BRINP2: variants seen among roughly 807,000 people sequenced by gnomAD.
The protein encoded by BRINP2 is BMP/retinoic acid-inducible neural-specific protein 2.
In BRINP2, 21 loss-of-function variants were observed where a neutral mutation model predicts 69.2. The ratio of observed to expected loss-of-function variants is 0.30; its 90% confidence interval spans 0.22 to 0.44. The LOEUF is 0.44. Among genes scored for constraint, BRINP2 ranks in the 20% least tolerant of loss-of-function variants. The pLI is 1.00. For missense variants in BRINP2, 877 were observed against 986.0 expected (o/e 0.89, Z 1.48); for synonymous variants, 380 against 394.1 (o/e 0.96, Z 0.42).
At chr1:177,275,385 A>C (rs775253815) in intron 5 of BRINP2, among the ~76,000 whole-genome samples, 2 of 152,114 alleles carry the variant, frequency 1.3e-5, no homozygotes, top group Non-Finnish European at 2.9e-5. Context: ...CAGGGCATTG[A>C]CCACCATCCC....
intron 2 of BRINP2, among the ~76,000 whole-genome samples, chr1:177,248,417 G>A (rs1440452174): frequency 2.0e-5 from 3 of 151,774 alleles, no homozygotes; most frequent in East Asian, 3.9e-4. Flanking sequence ...CTAGATTTCA[G>A]CTTCACTGAG....
intron 2 of BRINP2, among the ~76,000 whole-genome samples, chr1:177,231,692 T>C (rs114208433): frequency 0.017 from 2,559 of 152,340 alleles, 74 homozygotes; most frequent in African/African-American, 0.059. Context: ...AGTCTGGTCC[T>C]GGAAGAGACT....
intron 2 of BRINP2, among the ~76,000 whole-genome samples, chr1:177,237,825 T>C (rs1013606859): frequency 2.6e-5 from 4 of 152,214 alleles, no homozygotes; most frequent in East Asian, 1.9e-4. Flanking sequence ...ATCCGGAAAC[T>C]GTCACGACAC....
chr1:177,252,430 T>TA (rs1650611710), intron 2 of BRINP2, among the ~76,000 whole-genome samples: 1 of 152,192 alleles, frequency 6.6e-6, no homozygotes, highest in Admixed American at 6.5e-5. Flanking sequence ...TTTATAATTT[T>TA]AATTTTAAAA....
chr1:177,279,510 A>G (rs1272858996), intron 7 of BRINP2, among the ~76,000 whole-genome samples: 2 of 152,216 alleles, frequency 1.3e-5, no homozygotes, highest in Non-Finnish European at 2.9e-5. Flanking sequence ...AGAGAGGGAA[A>G]TGATCTGGTA....
chr1:177,188,279 C>A (rs1648489643), intron 1 of BRINP2, among the ~76,000 whole-genome samples: 1 of 151,982 alleles, frequency 6.6e-6, no homozygotes, highest in African/African-American at 2.4e-5. Flanking sequence ...AGGTGCCAGG[C>A]ATTTTCTAGG....
At chr1:177,223,349 T>C (rs1649598163) in intron 1 of BRINP2, among the ~76,000 whole-genome samples, 1 of 152,198 alleles carries the variant, frequency 6.6e-6, no homozygotes, top group Non-Finnish European at 1.5e-5. Flanking sequence ...CTGTGTGTTT[T>C]TGTGTCTGTG....
In BRINP2 at chr1:177,281,657, C is replaced by A; in HGVS notation, c.*129C>A. Reference sequence around the variant, plus strand: ...GACTTTCAGCATCCAGTAGATGGGACCTCGAGGCTCGAGCTGAAGCAGGCG... The same window carrying A: ...GACTTTCAGCATCCAGTAGATGGGAACTCGAGGCTCGAGCTGAAGCAGGCG... On this transcript the variant is annotated 3_prime_UTR_variant, in exon 8 of 8. Transcript: ENST00000361539. 1 of 1,269,162 alleles carries A rather than the reference C, an allele frequency of 7.9e-7. No individual in the cohort carries two copies. Among genetic ancestry groups the A allele is most frequent in the Non-Finnish European group, 1.1e-6 (1 of 928,044 alleles). The allele number at this position is 1,269,162 out of a possible 1,614,324, so 78.6% of individuals were successfully genotyped here. A position where few individuals can be genotyped will look rare whatever the true frequency, so the allele number is the denominator to read the frequency against.
chr1:177,250,308 G>C (rs960526460), intron 2 of BRINP2, among the ~76,000 whole-genome samples: 1 of 140,408 alleles, frequency 7.1e-6, no homozygotes, highest in African/African-American at 2.6e-5. Flanking sequence ...GTAGCCACTT[G>C]TGTGCATTCT....
chr1:177,244,579 G>A (rs953875952), intron 2 of BRINP2, among the ~76,000 whole-genome samples: 8 of 152,170 alleles, frequency 5.3e-5, no homozygotes, highest in Non-Finnish European at 8.8e-5. Context: ...GCAGTGAGCC[G>A]AGATCATGCC....
intron 1 of BRINP2, among the ~76,000 whole-genome samples, chr1:177,227,246 C>G (rs916052776): frequency 6.6e-6 from 1 of 152,208 alleles, no homozygotes. Flanking sequence ...CCCGCATCCA[C>G]GCATTTCCAC....
intron 1 of BRINP2, among the ~76,000 whole-genome samples, chr1:177,175,274 C>A (rs371153316): frequency 4.7e-5 from 7 of 147,616 alleles, no homozygotes; most frequent in East Asian, 4.0e-4. Flanking sequence ...AAGGAGGAGA[C>A]CATGGAAAAG....
intron 1 of BRINP2, among the ~76,000 whole-genome samples, chr1:177,191,478 GGA>G (rs1264600719): frequency 6.6e-6 from 1 of 151,878 alleles, no homozygotes; most frequent in African/African-American, 2.4e-5. Context: ...GTTTTGAGAT[GGA>G]GTCTAGCTCT....
intron 1 of BRINP2, among the ~76,000 whole-genome samples, chr1:177,228,845 G>A (rs1294208425): frequency 2.0e-5 from 3 of 152,218 alleles, no homozygotes; most frequent in Non-Finnish European, 2.9e-5. Flanking sequence ...TCAGAGACCT[G>A]TGGTGAGTCA....
chr1:177,255,510 G>C (rs1340844565), intron 2 of BRINP2, among the ~76,000 whole-genome samples: 1 of 152,224 alleles, frequency 6.6e-6, no homozygotes, highest in East Asian at 1.9e-4. Flanking sequence ...CTTCACAGGT[G>C]AGTAACTGAG....
intron 1 of BRINP2, among the ~76,000 whole-genome samples, chr1:177,199,342 C>A (rs1190364112): frequency 6.6e-6 from 1 of 152,158 alleles, no homozygotes. Context: ...GACAACTTTG[C>A]CCCACATGAG....
At chr1:177,248,286 T>C (rs1650452440) in intron 2 of BRINP2, among the ~76,000 whole-genome samples, 1 of 152,190 alleles carries the variant, frequency 6.6e-6, no homozygotes, top group South Asian at 2.1e-4. Flanking sequence ...TCTCAAAATA[T>C]GAAATTCTAA....
At position 177,257,215 on chromosome 1, in the gene BRINP2, T is replaced by C. The variant is rs761816187; in HGVS notation, c.500T>C (p.Leu167Pro). 1.2e-6 allele frequency: 2 copies of C among 1,613,746 alleles called. No homozygotes were observed. The highest frequency in any genetic ancestry group is 2.7e-5 in the African/African-American group (2 of 74,790). Residue 167 changes from leucine to proline, a missense_variant, in exon 4 of 8, where the codon CTG becomes CCG. Transcript: ENST00000361539. ...ACCATTTTTGTGGACAAGCAGAAAC[T>C]GGGAAGAAAGACAGAGACAACAGGA... Reference protein sequence around the residue: ...SLTIFVDKQKLGRKTETTGGA... With the variant: ...SLTIFVDKQKPGRKTETTGGA...
chr1:177,250,477 C>T (rs991789767), intron 2 of BRINP2, among the ~76,000 whole-genome samples: 6 of 152,210 alleles, frequency 3.9e-5, no homozygotes, highest in Non-Finnish European at 8.8e-5. Context: ...CAGGCACCTG[C>T]CATTGCGCCC....
Sources: gnomAD v4.1 joint callset for allele counts (sites outside exome capture counted in the v4.1 genomes callset) on GRCh38, gnomAD v4.1.1 for gene constraint, MANE v1.5 for transcripts, NCBI Gene and HGNC (gene_info 2026-07-23, HGNC 2026-07-21) for gene names.